The following DUOX1 variants were observed in gnomAD, a reference collection of about 807,000 sequenced individuals.
The protein encoded by DUOX1 is dual oxidase 1.
DUOX1 carries 134 observed loss-of-function variants against 181.8 expected under a neutral mutation model. The ratio of observed to expected loss-of-function variants is 0.74; its 90% CI spans 0.64 to 0.85. DUOX1 has a LOEUF of 0.85. Among genes scored for constraint, DUOX1 ranks in the 40% least tolerant of loss-of-function variants. DUOX1 has a pLI of 0.00. For synonymous variants in DUOX1, 798 were observed against 832.5 expected, an observed-to-expected ratio of 0.96 and a Z score of 0.71; for missense variants, 1,814 against 2,064.4, an observed-to-expected ratio of 0.88 and a Z score of 2.35.
At chr15:45,155,630 G>T in intron 27 of DUOX1, 172 bp from the exon 28 acceptor site, 3 of 792,656 alleles carry the variant, frequency 3.8e-6, no homozygotes, top group East Asian at 2.6e-5. Context: ...AATGTCTGCT[G>T]AAATGAAAGG....
rs147238974 is a variant in DUOX1 at position 45,143,273 on chromosome 15, G to A, written c.1906G>A (p.Val636Met). 83 of 1,614,112 alleles carry A rather than the reference G, an allele frequency of 5.1e-5. No individual in the cohort carries two copies. Among genetic ancestry groups the A allele is most frequent in the African/African-American group, 4.0e-4 (30 of 75,062 alleles). Reference protein sequence around the residue: ...RLQGQDRQSIVSEKLVGGMEA... With the variant: ...RLQGQDRQSIMSEKLVGGMEA... ...CCAGGGCCAGGACCGCCAGAGCATC[G>A]TGTCTGAGAAGCTCGTGGGAGGCAT... Residue 636 changes from valine to methionine, a missense_variant, in exon 16 of 34, where the codon GTG (valine) becomes ATG (methionine). By Grantham distance (21) the Val-to-Met change is conservative. Transcript: ENST00000389037.
intron 25 of DUOX1, 116 bp downstream of exon 25, chr15:45,152,632 G>A (rs556572951): frequency 3.8e-6 from 4 of 1,050,864 alleles, no homozygotes; most frequent in Non-Finnish European, 5.7e-6. Context: ...TCTCCATCAG[G>A]ATGGAGTTGG....
At position 45,139,555 on chromosome 15, in the gene DUOX1, C is replaced by G; in HGVS notation, c.1345C>G (p.Arg449Gly). 2 of 1,611,226 alleles carry G rather than the reference C, an allele frequency of 1.2e-6. No individual in the cohort carries two copies. Among genetic ancestry groups the G allele is most frequent in the Non-Finnish European group, 1.7e-6 (2 of 1,178,784 alleles). ...RAALGLSPIT[R>G]WQDINPALSR... ...AGCACTGGGCTTGTCTCCCATTACC[C>G]GCTGGCAGGACATCAACCCTGCACT... is the stretch of plus-strand genomic sequence containing the variant. The change falls in exon 12 of 34, where the codon CGC becomes GGC. Residue 449 changes from arginine (R) to glycine (G), a missense_variant. Arg to Gly is a moderately radical substitution (Grantham distance 125). Transcript: ENST00000389037.
chr15:45,152,339 A>G lies in DUOX1; in HGVS notation c.3247A>G (p.Ile1083Val), dbSNP rs767539313. Residue 1083 changes from isoleucine (I) to valine (V), a missense_variant, in exon 25 of 34, where the codon ATC becomes GTC. This residue lies in a region of DUOX1 where 1,064 missense variants were observed against 1,152.9 expected (regional missense o/e 0.92). Transcript: ENST00000389037. Reference protein sequence around the residue: ...TGITDTTRVGIILSRGTAASI... With the variant: ...TGITDTTRVGVILSRGTAASI... Reference sequence around the variant, plus strand: ...CATCACAGACACCACCCGCGTGGGAATCATCCTGTCGCGGGGCACAGCAGC... The same window carrying G: ...CATCACAGACACCACCCGCGTGGGAGTCATCCTGTCGCGGGGCACAGCAGC... 1 of 1,614,166 alleles carries G rather than the reference A, an allele frequency of 6.2e-7. No individual in the cohort carries two copies.
rs1896485929 is a variant in DUOX1 at position 45,141,342 on chromosome 15, A to G, written c.1616A>G (p.Asp539Gly). Reference sequence around the variant, plus strand: ...GAAATCCGAAATACCACCCTGCAGGACGTGCTGGTCGCTGTTATCAACATT... The same window carrying G: ...GAAATCCGAAATACCACCCTGCAGGGCGTGCTGGTCGCTGTTATCAACATT... ...IEEIRNTTLQ[D>G]VLVAVINIDP... The change falls in exon 14 of 34, where the codon GAC becomes GGC. Residue 539 changes from aspartate (D) to glycine (G), a missense_variant. Asp to Gly is a moderately conservative substitution (Grantham distance 94, BLOSUM62 -1). Around this residue, in one of 5 missense-constraint regions of DUOX1, gnomAD observed 1,064 missense variants for 1,152.9 expected, o/e 0.92. Transcript: ENST00000389037. The G allele has an allele frequency of 6.2e-7, 1 of 1,614,242 alleles. No individual in the cohort carries two copies. Among genetic ancestry groups the G allele is most frequent in the Non-Finnish European group, 8.5e-7 (1 of 1,180,044 alleles).
At chr15:45,142,594 G>A (rs983675019) in intron 15 of DUOX1, among the ~76,000 whole-genome samples, 3 of 151,966 alleles carry the variant, frequency 2.0e-5, no homozygotes, top group African/African-American at 4.8e-5. Context: ...GCATGGTGGC[G>A]CATGCCTGTA....
At chr15:45,156,469 G>A (rs1430682152) in intron 28 of DUOX1, among the ~76,000 whole-genome samples, 1 of 152,136 alleles carries the variant, frequency 6.6e-6, no homozygotes, top group African/African-American at 2.4e-5. Context: ...GTCTCGCCCT[G>A]TCGCCCAGGC....
chr15:45,137,624 T>C (rs1726667981), intron 9 of DUOX1, among the ~76,000 whole-genome samples: 1 of 152,176 alleles, frequency 6.6e-6, no homozygotes, highest in Non-Finnish European at 1.5e-5. Context: ...ACATATATTG[T>C]ACATATAACT....
chr15:45,163,511 A>T (rs764230550), intron 31 of DUOX1, 21 bp from the exon 32 acceptor site: 2 of 1,613,194 alleles, frequency 1.2e-6, no homozygotes, highest in Non-Finnish European at 8.5e-7. Flanking sequence ...TGGGTCCTGA[A>T]CTCCAGCCCT....
rs1266958107 is a variant in DUOX1, at chr15:45,141,374, A to C, written c.1648A>C (p.Ser550Arg). ...VLVAVINIDPSALQPNVFVWH... is the reference protein window; with the variant it reads ...VLVAVINIDPRALQPNVFVWH... The stretch of plus-strand genomic sequence containing the variant: ...GGTCGCTGTTATCAACATTGACCCC[A>C]GTGCTCTGCAGCCCAATGTCTTTGT... Residue 550 changes from serine (S) to arginine (R), a missense_variant, in exon 14 of 34, where the codon AGT becomes CGT. Transcript: ENST00000389037. 2 of 1,614,108 alleles carry C rather than the reference A, an allele frequency of 1.2e-6. No individual in the cohort carries two copies. Among genetic ancestry groups the C allele is most frequent in the African/African-American group, 2.7e-5 (2 of 74,924 alleles).
At chr15:45,137,147 A>C (rs1484348065) in intron 9 of DUOX1, among the ~76,000 whole-genome samples, 2 of 149,130 alleles carry the variant, frequency 1.3e-5, no homozygotes, top group African/African-American at 5.0e-5. Flanking sequence ...CGGGAGTTAG[A>C]GACCAGCCTG....
At chr15:45,138,457 G>T (rs913925442) in intron 10 of DUOX1, among the ~76,000 whole-genome samples, 1 of 152,200 alleles carries the variant, frequency 6.6e-6, no homozygotes, top group African/African-American at 2.4e-5. Context: ...ATGTGTGAGG[G>T]GGGTGGGGAG....
chr15:45,163,193 C>T (rs975029675), intron 31 of DUOX1, among the ~76,000 whole-genome samples: 1 of 152,204 alleles, frequency 6.6e-6, no homozygotes, highest in Admixed American at 6.5e-5. Context: ...GCCCTTTAGC[C>T]ACTAGGTGCC....
intron 28 of DUOX1, among the ~76,000 whole-genome samples, chr15:45,156,299 C>T (rs1377367117): frequency 6.6e-6 from 1 of 152,224 alleles, no homozygotes; most frequent in Admixed American, 6.5e-5. Context: ...TTTGAAGAAA[C>T]TTATCTTAAA....
Position 45,131,926 on chromosome 15 carries a change from T to C in DUOX1, c.-41T>C, listed in dbSNP as rs1896166516. ...TGCCTGTCTTTTTCTAGGGTCTCCA[T>C]TTTGGGACATTCTAATCCCTGAGCC... is the stretch of plus-strand genomic sequence containing the variant. On this transcript the variant is annotated 5_prime_UTR_variant, in exon 2 of 34. Coordinates refer to ENST00000389037, the MANE Select transcript of DUOX1 (RefSeq NM_175940.3). The C allele has an allele frequency of 1.9e-6, 3 of 1,603,398 alleles. No homozygotes were observed. Among genetic ancestry groups the C allele is most frequent in the East Asian group, 2.2e-5 (1 of 44,814 alleles).
intron 31 of DUOX1, among the ~76,000 whole-genome samples, chr15:45,162,772 T>G (rs1897140486): frequency 6.6e-6 from 1 of 152,184 alleles, no homozygotes; most frequent in Non-Finnish European, 1.5e-5. Context: ...GGAGCACAAG[T>G]GAAACTGGCT....
Position 45,144,278 on chromosome 15 carries a change from C to A in DUOX1, c.2136+43C>A, listed in dbSNP as rs776045111. 3 of 1,602,670 alleles carry A rather than the reference C, an allele frequency of 1.9e-6. No individual in the cohort carries two copies. The Admixed American group carries it at 5.0e-5, about 27-fold the overall frequency. On this transcript the variant is annotated intron_variant, in intron 17 of 33. Coordinates refer to ENST00000389037, the MANE Select transcript of DUOX1 (RefSeq NM_175940.3). ...TCTGGCTCCTTGTCCACAGCCAAGG[C>A]CAGGGAGGCAGCCAGGTGGAGGGGA...
chr15:45,162,582 T>A (rs1315375476), intron 31 of DUOX1, among the ~76,000 whole-genome samples: 1 of 152,162 alleles, frequency 6.6e-6, no homozygotes, highest in Admixed American at 6.5e-5. Context: ...TGCGGATGCC[T>A]CCAGAATCCT....
intron 25 of DUOX1, chr15:45,152,721 G>A (rs1413750834): frequency 3.3e-6 from 2 of 605,424 alleles, no homozygotes; most frequent in Middle Eastern, 4.0e-4. Flanking sequence ...TTTCCAGGGC[G>A]CCTCACCAGC....
Sources: gnomAD v4.1 joint callset for allele counts (sites outside exome capture counted in the v4.1 genomes callset) on GRCh38, gnomAD v4.1.1 for gene constraint, gnomAD v4.1.1 regional missense constraint, MANE v1.5 for transcripts, NCBI Gene and HGNC (gene_info 2026-07-23, HGNC 2026-07-21) for gene names.